The following MBTPS1 variants were observed in gnomAD, a reference collection of about 807,000 sequenced individuals.
MBTPS1 encodes membrane bound transcription factor peptidase, site 1.
In MBTPS1, 94 loss-of-function variants were observed where a neutral mutation model predicts 127.8. The ratio of observed to expected loss-of-function variants is 0.74; its 90% confidence interval spans 0.62 to 0.87. The LOEUF (loss-of-function observed/expected upper bound fraction) is 0.87, where lower values mean the gene tolerates loss of function less well. MBTPS1 is among the 40% of genes least tolerant of loss of function. The pLI, the probability that MBTPS1 is intolerant of heterozygous loss-of-function variation, is 0.00. For missense variants in MBTPS1, 1,636 were observed against 1,353.2 expected (o/e 1.21, Z -3.28); for synonymous variants, 632 against 509.4 (o/e 1.24, Z -3.24).
At chr16:84,062,447 C>T (rs2151142440) in intron 19 of MBTPS1, among the ~76,000 whole-genome samples, 1 of 152,320 alleles carries the variant, frequency 6.6e-6, no homozygotes, top group Non-Finnish European at 1.5e-5. Flanking sequence ...AGACCCATCC[C>T]AGTCTAGGGA....
At chr16:84,106,792 G>C (rs2151172111) in intron 1 of MBTPS1, among the ~76,000 whole-genome samples, 1 of 152,334 alleles carries the variant, frequency 6.6e-6, no homozygotes, top group South Asian at 2.1e-4. Context: ...CCAAGGGAGA[G>C]AAGATGCTGG....
chr16:84,059,583 G>C, intron 20 of MBTPS1, 155 bp from the exon 21 acceptor site: 1 of 612,732 alleles, frequency 1.6e-6, no homozygotes, highest in Non-Finnish European at 2.8e-6. Context: ...AGCCGCAGGA[G>C]CCACGCCTGA....
At chr16:84,085,268 A>T (rs1567490289) in intron 9 of MBTPS1, 134 bp from the exon 10 acceptor site, 19 of 917,794 alleles carry the variant, frequency 2.1e-5, no homozygotes, top group Non-Finnish European at 3.0e-5. Context: ...TACTGGTTTT[A>T]GTCTGAAATT....
At chr16:84,099,683 A>T (rs955531504) in intron 2 of MBTPS1, among the ~76,000 whole-genome samples, 1 of 151,868 alleles carries the variant, frequency 6.6e-6, no homozygotes, top group African/African-American at 2.4e-5. Context: ...AGGCTAAGGC[A>T]GGAGAATCAC....
chr16:84,112,996 A>C (rs1462520568), intron 1 of MBTPS1, among the ~76,000 whole-genome samples: 2 of 150,708 alleles, frequency 1.3e-5, no homozygotes, highest in Non-Finnish European at 1.5e-5. Context: ...AAAAAAAAAG[A>C]ATAAATCATA....
chr16:84,054,701 C>A, intron 22 of MBTPS1, 56 bp from the exon 23 acceptor site: 1 of 1,377,208 alleles, frequency 7.3e-7, no homozygotes, highest in Non-Finnish European at 9.8e-7. Context: ...ACCATGACGG[C>A]CTTTTTCTAT....
At chr16:84,071,695 C>T (rs924932460) in intron 12 of MBTPS1, 31 of 151,722 alleles carry the variant, frequency 2.0e-4, no homozygotes, top group African/African-American at 7.5e-4. Context: ...ATCTGCAAAA[C>T]AATAAAAGTC....
At position 84,067,803 on chromosome 16, in the gene MBTPS1, T is replaced by C. The variant is rs1597311656; in HGVS notation, c.2092A>G (p.Ser698Gly). The change falls in exon 16 of 23, where the codon AGT becomes GGT. Residue 698 changes from serine (S) to glycine (G), a missense_variant. Ser to Gly is a moderately conservative substitution (Grantham distance 56). Transcript: ENST00000343411. Reference protein sequence around the residue: ...SQYGTLLMVDSEEEYFPEEIA... With the variant: ...SQYGTLLMVDGEEEYFPEEIA... Reference sequence around the variant, plus strand: ...TCTTCAGGGAAGTACTCCTCCTCACTGTCCACCATCAGCAAAGTGCCTGAT... The same window carrying C: ...TCTTCAGGGAAGTACTCCTCCTCACCGTCCACCATCAGCAAAGTGCCTGAT... 1 of 1,609,924 alleles carries C rather than the reference T, an allele frequency of 6.2e-7. No homozygotes were observed. Among genetic ancestry groups the C allele is most frequent in the Non-Finnish European group, 8.5e-7 (1 of 1,176,726 alleles).
chr16:84,093,402 G>A (rs2086136973), intron 5 of MBTPS1, 105 bp from the exon 6 acceptor site: 6 of 780,206 alleles, frequency 7.7e-6, no homozygotes, highest in Non-Finnish European at 4.4e-6. Context: ...TCCAAGTGCT[G>A]GATAGAGGAG....
intron 12 of MBTPS1, among the ~76,000 whole-genome samples, chr16:84,071,080 TCTGA>T (rs1167711373): frequency 6.6e-6 from 1 of 152,254 alleles, no homozygotes; most frequent in Admixed American, 6.5e-5. Flanking sequence ...AAAAACTTCA[TCTGA>T]CTAAGAGAAC....
chr16:84,115,165 G>C (rs982926510), intron 1 of MBTPS1, among the ~76,000 whole-genome samples: 1 of 152,146 alleles, frequency 6.6e-6, no homozygotes, highest in South Asian at 2.1e-4. Context: ...CTGACCTTGT[G>C]ATCCGCCCGC....
In MBTPS1 at chr16:84,063,449, A is replaced by T; in HGVS notation, c.2432-4T>A. 3 of 1,612,318 alleles carry T rather than the reference A, an allele frequency of 1.9e-6. No homozygotes were observed. The highest frequency in any genetic ancestry group is 2.5e-6 in the Non-Finnish European group (3 of 1,178,486). On this transcript the variant is annotated splice_polypyrimidine_tract_variant and splice_region_variant and intron_variant, in intron 18 of 22. Coordinates refer to ENST00000343411, the MANE Select transcript of MBTPS1 (RefSeq NM_003791.4). ...TCCTGCTTTAAAACCTCCAATCCTG[A>T]AACAACACAACAAAAAACAACAGCC...
chr16:84,073,179 G>T (rs1023992416), intron 12 of MBTPS1, among the ~76,000 whole-genome samples: 1 of 152,190 alleles, frequency 6.6e-6, no homozygotes, highest in African/African-American at 2.4e-5. Context: ...CTGTCACCAG[G>T]TTGGAGTACA....
chr16:84,075,473 G>C (rs531917712), intron 11 of MBTPS1: 2 of 138,290 alleles, frequency 1.4e-5, no homozygotes, highest in Admixed American at 7.2e-5. Context: ...AGCTACGCCC[G>C]AACAGGTGAA....
At chr16:84,104,139 A>C (rs1404016656) in intron 1 of MBTPS1, among the ~76,000 whole-genome samples, 1 of 152,228 alleles carries the variant, frequency 6.6e-6, no homozygotes, top group Non-Finnish European at 1.5e-5. Context: ...AAGAAGATAA[A>C]AGCCAGTAAT....
intron 1 of MBTPS1, among the ~76,000 whole-genome samples, chr16:84,108,657 T>C (rs527731716): frequency 5.3e-5 from 8 of 152,238 alleles, no homozygotes; most frequent in African/African-American, 1.7e-4. Flanking sequence ...CAGGCGTTCA[T>C]GGGAGAATGG....
chr16:84,054,235 A>T lies in MBTPS1; in HGVS notation c.*214T>A. ...GGGAAGTCTCACTGGCGGCAGAGCCACTAAGTCCCTCCTGACGGGATCCAC... is the reference window on the plus strand; with the variant it reads ...GGGAAGTCTCACTGGCGGCAGAGCCTCTAAGTCCCTCCTGACGGGATCCAC... On this transcript the variant is annotated 3_prime_UTR_variant, in exon 23 of 23. Transcript: ENST00000343411. 1 of 393,784 alleles carries T rather than the reference A, an allele frequency of 2.5e-6. No homozygotes were observed. The highest frequency in any genetic ancestry group is 4.5e-6 in the Non-Finnish European group (1 of 221,516). 24.4% of individuals were successfully genotyped at this position (393,784 alleles called of 1,614,324 possible). A position where few individuals can be genotyped will look rare whatever the true frequency, so the allele number is the denominator to read the frequency against.
intron 11 of MBTPS1, 136 bp from the exon 12 acceptor site, chr16:84,074,877 T>A: frequency 2.8e-6 from 2 of 724,482 alleles, no homozygotes; most frequent in Admixed American, 3.0e-5. Context: ...TAGGCTGGCA[T>A]CTGGGAACTT....
At chr16:84,115,063 G>C (rs1363999826) in intron 1 of MBTPS1, among the ~76,000 whole-genome samples, 1 of 151,922 alleles carries the variant, frequency 6.6e-6, no homozygotes, top group Non-Finnish European at 1.5e-5. Context: ...CGAGTAGCTG[G>C]GATTACAGGC....
Sources: gnomAD v4.1 joint callset for allele counts (sites outside exome capture counted in the v4.1 genomes callset) on GRCh38, gnomAD v4.1.1 for gene constraint, MANE v1.5 for transcripts, NCBI Gene and HGNC (gene_info 2026-07-23, HGNC 2026-07-21) for gene names.